Variants in UNC79 observed in about 807,000 individuals in gnomAD.
UNC79 encodes the protein unc-79 subunit of NALCN channel complex, also known as protein unc-79 homolog.
In UNC79, 37 loss-of-function variants were observed where a neutral mutation model predicts 283.1. That is an observed-to-expected ratio of 0.13 (90% CI 0.10 to 0.17). The LOEUF (loss-of-function observed/expected upper bound fraction) is 0.17, where lower values mean the gene tolerates loss of function less well. Among genes scored for constraint, UNC79 ranks in the 10% least tolerant of loss-of-function variants. The probability of loss-of-function intolerance (pLI) is 1.00; values close to 1 mark genes in which losing one functional copy is unlikely to be tolerated. For synonymous variants in UNC79, 1,107 were observed against 1,200.2 expected (o/e 0.92, Z 1.61); for missense variants, 2,272 against 3,211.1 (o/e 0.71, Z 7.07).
chr14:93,567,887 A>G (rs944240765), intron 14 of UNC79, among the ~76,000 whole-genome samples: 10 of 152,172 alleles, frequency 6.6e-5, no homozygotes, highest in Non-Finnish European at 1.2e-4. Context: ...ACATCAATCA[A>G]TATATGTAAG....
In UNC79 at chr14:93,510,283, T is replaced by G. The variant is rs558492172; in HGVS notation, c.898+12997T>G. 2.0e-5 allele frequency among the ~76,000 whole-genome samples: 3 copies of G among 152,302 alleles called. No homozygotes were observed. The South Asian group carries it at 6.2e-4, about 32-fold the overall frequency. ...GTTCTCTGAAATGCCTTCAAGAAAT[T>G]TTCCCCATTGTCTTGGATATTAACA... On this transcript the variant is annotated intron_variant, in intron 7 of 48. Coordinates refer to ENST00000555664, the Ensembl canonical transcript of UNC79.
At chr14:93,639,902 G>T (rs2140183647) in intron 32 of UNC79, among the ~76,000 whole-genome samples, 1 of 152,286 alleles carries the variant, frequency 6.6e-6, no homozygotes, top group South Asian at 2.1e-4. Flanking sequence ...TTGAGGAAAG[G>T]TCATACCGGG....
At chr14:93,473,655 T>C (rs1415742231) in intron 2 of UNC79, among the ~76,000 whole-genome samples, 1 of 152,220 alleles carries the variant, frequency 6.6e-6, no homozygotes, top group Non-Finnish European at 1.5e-5. Context: ...TGCAAGTTCC[T>C]ATTTACCTGA....
chr14:93,358,833 G>A lies in UNC79; in HGVS notation c.-351+25310G>A, dbSNP rs534488261. Among the ~76,000 whole-genome samples the A allele has an allele frequency of 2.0e-5, 3 of 152,264 alleles. No individual in the cohort carries two copies. The East Asian group carries it at 5.8e-4, about 29-fold the overall frequency. Reference sequence around the variant, plus strand: ...TGTGTCAGTTGCCAGGCAAGATAATGTTGATTCTCCTTAGGAGCCACCCCC... The same window carrying A: ...TGTGTCAGTTGCCAGGCAAGATAATATTGATTCTCCTTAGGAGCCACCCCC... On this transcript the variant is annotated intron_variant, in intron 1 of 49. Transcript: ENST00000256339.
chr14:93,474,462 G>A lies in UNC79; in HGVS notation c.448+69G>A. ...ATGAATGTATATGATGCTGAGCAAG[G>A]GGCTTGGAGATGGTCACTGTTGTAA... On this transcript the variant is annotated intron_variant, in intron 3 of 48. Transcript: ENST00000555664. This position sits in a 1 kb window ranked among gnomAD's most constrained non-coding sequence, Gnocchi z 4.1. The A allele has an allele frequency of 6.8e-7, 1 of 1,474,300 alleles. No homozygotes were observed. Among genetic ancestry groups the A allele is most frequent in the Non-Finnish European group, 9.0e-7 (1 of 1,109,486 alleles). 91.3% of individuals were successfully genotyped at this position (1,474,300 alleles called of 1,614,324 possible). A position where few individuals can be genotyped will look rare whatever the true frequency, so the allele number is the denominator to read the frequency against.
intron 1 of UNC79, among the ~76,000 whole-genome samples, chr14:93,404,327 TA>T (rs11387953): frequency 3.8e-4 from 52 of 137,050 alleles, no homozygotes; most frequent in South Asian, 4.7e-4. Flanking sequence ...TCTACAAAAA[TA>T]AAAAAAAAAA....
chr14:93,705,559 G>GGAA (rs1326790263), intron 48 of UNC79, among the ~76,000 whole-genome samples: 2 of 152,196 alleles, frequency 1.3e-5, no homozygotes, highest in Admixed American at 6.5e-5. Context: ...AGGACCAAAA[G>GGAA]GAAGAGTGAC....
chr14:93,342,440 C>A (rs2053733945), intron 1 of UNC79, among the ~76,000 whole-genome samples: 1 of 152,200 alleles, frequency 6.6e-6, no homozygotes, highest in African/African-American at 2.4e-5. Flanking sequence ...CCCCATGAAG[C>A]CATTTTTCCT....
intron 48 of UNC79, 57 bp from the exon 52 acceptor site, chr14:93,706,647 C>T (rs2075900441): frequency 1.2e-6 from 2 of 1,603,918 alleles, no homozygotes; most frequent in Non-Finnish European, 1.7e-6. Context: ...CGGGTCGACA[C>T]TCCCTGGGTT....
chr14:93,341,167 G>A (rs1444222294), intron 1 of UNC79, among the ~76,000 whole-genome samples: 1 of 151,968 alleles, frequency 6.6e-6, no homozygotes, highest in Non-Finnish European at 1.5e-5. Flanking sequence ...AAATGAAAAG[G>A]TGGCCGGGTG....
intron 1 of UNC79, among the ~76,000 whole-genome samples, chr14:93,461,916 G>A (rs977079814): frequency 3.3e-5 from 5 of 150,484 alleles, no homozygotes; most frequent in African/African-American, 1.2e-4. Flanking sequence ...AGTGTGGAGG[G>A]AAAGCACTCT....
intron 1 of UNC79, chr14:93,347,108 G>A (rs1221709603): frequency 7.3e-6 from 5 of 684,720 alleles, no homozygotes; most frequent in African/African-American, 3.8e-5. Context: ...CAGAGCAGGA[G>A]GTGCTGGGCA....
intron 39 of UNC79, among the ~76,000 whole-genome samples, chr14:93,660,113 T>C (rs2140424923): frequency 6.6e-6 from 1 of 152,342 alleles, no homozygotes; most frequent in South Asian, 2.1e-4. Context: ...GCTGCAGTGG[T>C]ACAATAGTTT....
At chr14:93,405,544 T>C (rs2055209239) in intron 1 of UNC79, among the ~76,000 whole-genome samples, 1 of 152,180 alleles carries the variant, frequency 6.6e-6, no homozygotes, top group South Asian at 2.1e-4. Context: ...ATGCTTCAAG[T>C]AATCTGAGAA....
At chr14:93,654,099 T>A in intron 37 of UNC79, 74 bp downstream of exon 40, 1 of 1,269,770 alleles carries the variant, frequency 7.9e-7, no homozygotes, top group Non-Finnish European at 1.1e-6. Context: ...GCTGTGTTTC[T>A]TTGAGTCACA....
chr14:93,414,392 G>T (rs984981511), intron 1 of UNC79, among the ~76,000 whole-genome samples: 2 of 152,126 alleles, frequency 1.3e-5, no homozygotes, highest in African/African-American at 4.8e-5. Context: ...CTATATTTCT[G>T]TTTTGGTACC....
intron 35 of UNC79, among the ~76,000 whole-genome samples, chr14:93,652,393 C>A (rs1198637328): frequency 6.6e-6 from 1 of 152,074 alleles, no homozygotes; most frequent in Non-Finnish European, 1.5e-5. Context: ...GTAGCTGGGA[C>A]TACAGGTGTG....
At chr14:93,633,227 G>A (rs1345481666) in intron 31 of UNC79, among the ~76,000 whole-genome samples, 1 of 152,112 alleles carries the variant, frequency 6.6e-6, no homozygotes, top group Non-Finnish European at 1.5e-5. Context: ...TTTAGTATTA[G>A]GTTGAGTAGT....
intron 1 of UNC79, among the ~76,000 whole-genome samples, chr14:93,382,427 T>C (rs1444836896): frequency 1.3e-5 from 2 of 152,164 alleles, no homozygotes; most frequent in Non-Finnish European, 2.9e-5. Flanking sequence ...TTACCTTACA[T>C]GGCAGAAAGG....
Sources: gnomAD v4.1 joint callset for allele counts (sites outside exome capture counted in the v4.1 genomes callset) on GRCh38, gnomAD v4.1.1 for gene constraint, Gnocchi (gnomAD v3.1) non-coding constraint, MANE v1.5 for transcripts, NCBI Gene and HGNC (gene_info 2026-07-23, HGNC 2026-07-21) for gene names.